FAT3: variants seen among roughly 807,000 people sequenced by gnomAD.
The protein encoded by FAT3 is FAT atypical cadherin 3, also known as protocadherin Fat 3.
Under a neutral mutation model 310.2 loss-of-function variants are expected in FAT3, and 95 were observed. The ratio of observed to expected loss-of-function variants is 0.31; its 90% confidence interval spans 0.26 to 0.36. FAT3 has a LOEUF of 0.36. Ranked by LOEUF, FAT3 falls within the 10% of genes least tolerant of loss-of-function variation. The pLI is 1.00. For synonymous variants in FAT3, 2,314 were observed against 2,192.9 expected (o/e 1.06, Z -1.54); for missense variants, 5,408 against 5,715.6 (o/e 0.95, Z 1.74).
intron 1 of FAT3, among the ~76,000 whole-genome samples, chr11:92,351,477 G>A (rs1948564311): frequency 6.6e-6 from 1 of 152,134 alleles, no homozygotes; most frequent in African/African-American, 2.4e-5. Flanking sequence ...GCACATATAG[G>A]TGTTTATATA....
chr11:92,475,755 G>C lies in FAT3; in HGVS notation c.3293-48879G>C, dbSNP rs146202810. 3.5e-4 allele frequency among the ~76,000 whole-genome samples: 54 copies of C among 152,232 alleles called. 2 individuals carry two copies. In the East Asian group the frequency reaches 9.6e-3, roughly 27 times the overall value. Reference sequence around the variant, plus strand: ...TTTTAAAAAGTTTTAATTATCATTGGTTCACATATTTATGAGTATGAATTT... The same window carrying C: ...TTTTAAAAAGTTTTAATTATCATTGCTTCACATATTTATGAGTATGAATTT... On this transcript the variant is annotated intron_variant, in intron 2 of 27. Transcript: ENST00000525166.
intron 3 of FAT3, among the ~76,000 whole-genome samples, chr11:92,611,566 G>T (rs966397611): frequency 2.0e-5 from 3 of 152,050 alleles, no homozygotes; most frequent in African/African-American, 7.2e-5. Context: ...GCTAACTTTT[G>T]TATTTTTAGT....
chr11:92,610,402 T>C (rs185146699), intron 3 of FAT3, among the ~76,000 whole-genome samples: 183 of 152,348 alleles, frequency 1.2e-3, no homozygotes, highest in South Asian at 8.1e-3. Flanking sequence ...TCTTTGATAA[T>C]GTTTATTTAT....
chr11:92,341,070 T>TGG (rs1306047033), intron 1 of FAT3, among the ~76,000 whole-genome samples: 1 of 152,204 alleles, frequency 6.6e-6, no homozygotes, highest in Non-Finnish European at 1.5e-5. Context: ...GGTCTATTTG[T>TGG]GGTTGCCTTG....
intron 3 of FAT3, among the ~76,000 whole-genome samples, chr11:92,581,681 T>C (rs888349444): frequency 1.3e-5 from 2 of 152,056 alleles, no homozygotes; most frequent in Non-Finnish European, 2.9e-5. Flanking sequence ...ATAAACTTCT[T>C]ATTTGCCATT....
intron 1 of FAT3, among the ~76,000 whole-genome samples, chr11:92,293,233 G>T (rs1351453068): frequency 6.6e-6 from 1 of 151,466 alleles, no homozygotes. Context: ...AAATGAAGGG[G>T]AGGCCATGGA....
Position 92,354,652 on chromosome 11 carries a change from G to A in FAT3, c.2540G>A (p.Gly847Asp). 2 of 1,613,788 alleles carry A rather than the reference G, an allele frequency of 1.2e-6. No homozygotes were observed. The highest frequency in any genetic ancestry group is 1.7e-6 in the Non-Finnish European group (2 of 1,179,856). ...SVNILESSGI[G>D]TEIIQVEARD... Reference sequence around the variant, plus strand: ...AACATTCTTGAAAGTTCAGGCATTGGTACTGAAATCATTCAAGTGGAAGCC... The same window carrying A: ...AACATTCTTGAAAGTTCAGGCATTGATACTGAAATCATTCAAGTGGAAGCC... Residue 847 changes from glycine (G) to aspartate (D), a missense_variant, in exon 2 of 28, where the codon GGT becomes GAT. This residue lies in a region of FAT3 where 4,588 missense variants were observed against 4,809.8 expected (regional missense o/e 0.95). Transcript: ENST00000525166.
Position 92,790,193 on chromosome 11 carries a change from A to T in FAT3, c.4586A>T (p.Gln1529Leu). The change falls in exon 8 of 28, where the codon CAG becomes CTG. Residue 1529 changes from glutamine (Q) to leucine (L), a missense_variant. By Grantham distance (113) the Gln-to-Leu change is moderately radical (BLOSUM62 -2). Around this residue, in one of 5 missense-constraint regions of FAT3, gnomAD observed 4,588 missense variants for 4,809.8 expected, o/e 0.95. Transcript: ENST00000525166. ...YTAERLDHEA[Q>L]DKHILNIMVR... is the part of the protein sequence containing the mutation. The stretch of plus-strand genomic sequence containing the variant: ...GCCGAGAGGCTGGACCATGAGGCCC[A>T]GGACAAGCACATTCTCAACATAATG... 6.2e-7 allele frequency: 1 copy of T among 1,613,692 alleles called. No homozygotes were observed. The highest frequency in any genetic ancestry group is 8.5e-7 in the Non-Finnish European group (1 of 1,179,646).
chr11:92,442,111 A>ATATTTTTTTTTTTTT (rs1453396603), intron 2 of FAT3, among the ~76,000 whole-genome samples: 2 of 45,218 alleles, frequency 4.4e-5, no homozygotes, highest in African/African-American at 3.7e-4. Flanking sequence ...ATATATATAT[A>ATATTTTTTTTTTTTT]TTTTTTTTTT....
intron 6 of FAT3, among the ~76,000 whole-genome samples, chr11:92,765,479 T>G (rs1417349773): frequency 2.0e-5 from 3 of 152,170 alleles, no homozygotes; most frequent in Non-Finnish European, 4.4e-5. Context: ...TTCTTTTTTT[T>G]TTCTGCTCCC....
intron 2 of FAT3, among the ~76,000 whole-genome samples, chr11:92,506,200 T>C (rs1953095214): frequency 6.6e-6 from 1 of 152,158 alleles, no homozygotes; most frequent in South Asian, 2.1e-4. Context: ...TGCAAACCTT[T>C]CTGTTGCAAC....
chr11:92,286,726 AAG>A (rs1234738044), intron 1 of FAT3, among the ~76,000 whole-genome samples: 1 of 152,166 alleles, frequency 6.6e-6, no homozygotes, highest in African/African-American at 2.4e-5. Context: ...GTTATACACT[AAG>A]AGCTCATTTG....
At chr11:92,499,564 A>G (rs1952867062) in intron 2 of FAT3, among the ~76,000 whole-genome samples, 1 of 151,828 alleles carries the variant, frequency 6.6e-6, no homozygotes, top group African/African-American at 2.4e-5. Context: ...AATTTTTATC[A>G]CCTGGTTTTG....
Position 92,524,886 on chromosome 11 carries a change from A to C in FAT3, c.3545A>C (p.Lys1182Thr). Residue 1182 changes from lysine (K) to threonine (T), a missense_variant, in exon 3 of 28, where the codon AAA (lysine) becomes ACA (threonine). Physicochemically the swap from Lys to Thr is moderately conservative, Grantham distance 78 (BLOSUM62 -1). Coordinates refer to ENST00000525166, the MANE Select transcript of FAT3 (RefSeq NM_001367949.2). Reference sequence around the variant, plus strand: ...GATCCTGACTCCAGTTCCAATGAAAAACTGACATACAGGATTACAAGTGGA... The same window carrying C: ...GATCCTGACTCCAGTTCCAATGAAACACTGACATACAGGATTACAAGTGGA... ...AEDPDSSSNE[K>T]LTYRITSGNP... 1 of 1,613,888 alleles carries C rather than the reference A, an allele frequency of 6.2e-7. No individual in the cohort carries two copies. Among genetic ancestry groups the C allele is most frequent in the Non-Finnish European group, 8.5e-7 (1 of 1,179,826 alleles).
At chr11:92,591,976 C>T (rs1939446995) in intron 3 of FAT3, among the ~76,000 whole-genome samples, 1 of 151,920 alleles carries the variant, frequency 6.6e-6, no homozygotes, top group Non-Finnish European at 1.5e-5. Flanking sequence ...TTGTCAAAAC[C>T]CAAAACACTG....
At chr11:92,815,666 A>C (rs769398016) in intron 13 of FAT3, among the ~76,000 whole-genome samples, 5 of 152,184 alleles carry the variant, frequency 3.3e-5, no homozygotes, top group Admixed American at 1.3e-4. Flanking sequence ...AACTGACTAG[A>C]CTAAAAGCAA....
At chr11:92,525,088 GTGCCACTTCTGCCTA>G in intron 3 of FAT3, 140 bp downstream of exon 3, 4 of 724,048 alleles carry the variant, frequency 5.5e-6, no homozygotes, top group East Asian at 5.4e-5. Flanking sequence ...GAAAAGGTGA[GTGCCACTTCTGCCTA>G]TGTGGTATGT....
intron 6 of FAT3, among the ~76,000 whole-genome samples, chr11:92,767,462 T>C (rs149232856): frequency 8.5e-5 from 13 of 152,222 alleles, no homozygotes; most frequent in African/African-American, 2.4e-4. Flanking sequence ...CTCAACCTGC[T>C]GACCCGTAGT....
chr11:92,872,274 C>G (rs1949409357), intron 22 of FAT3, among the ~76,000 whole-genome samples: 1 of 152,202 alleles, frequency 6.6e-6, no homozygotes, highest in Non-Finnish European at 1.5e-5. Context: ...TGGTGCTGAG[C>G]TCTGTGTTGA....
Sources: gnomAD v4.1 joint callset for allele counts (sites outside exome capture counted in the v4.1 genomes callset) on GRCh38, gnomAD v4.1.1 for gene constraint, gnomAD v4.1.1 regional missense constraint, MANE v1.5 for transcripts, NCBI Gene and HGNC (gene_info 2026-07-23, HGNC 2026-07-21) for gene names.